UBXN8: variants seen among roughly 807,000 people sequenced by gnomAD.
The protein encoded by UBXN8 is UBX domain protein 8, also known as UBX domain-containing protein 8.
Under a neutral mutation model 32.1 loss-of-function variants are expected in UBXN8, and 27 were observed. The observed-to-expected ratio is 0.84, with a 90% confidence interval of 0.62 to 1.16. The LOEUF (loss-of-function observed/expected upper bound fraction) is 1.16, where lower values mean the gene tolerates loss of function less well. Ranked by LOEUF, UBXN8 falls within the 50% of genes most tolerant of loss-of-function variation. The pLI, the probability that UBXN8 is intolerant of heterozygous loss-of-function variation, is 0.00. For missense variants in UBXN8, 306 were observed against 311.4 expected (o/e 0.98, Z 0.13); for synonymous variants, 109 against 111.8 (o/e 0.98, Z 0.16).
At chr8:30,731,438 A>G (rs1804955943), upstream of UBXN8, among the ~76,000 whole-genome samples, 1 of 152,180 alleles carries the variant, frequency 6.6e-6, no homozygotes, top group African/African-American at 2.4e-5. Context: ...ACATAAAGTG[A>G]TTCATCAGTT....
upstream of UBXN8, among the ~76,000 whole-genome samples, chr8:30,740,510 C>T (rs1392186917): frequency 4.9e-5 from 2 of 40,616 alleles, no homozygotes; most frequent in East Asian, 1.3e-3. Context: ...CAAGATCAGC[C>T]TGAACAATAT....
intron 1 of UBXN8, among the ~76,000 whole-genome samples, chr8:30,750,424 G>A (rs575560302): frequency 1.4e-4 from 21 of 152,082 alleles, no homozygotes; most frequent in Non-Finnish European, 2.4e-4. Flanking sequence ...GCAGTGAGCC[G>A]TGGTCTCACC....
chr8:30,741,182 T>C (rs1464153302), upstream of UBXN8, among the ~76,000 whole-genome samples: 1 of 152,104 alleles, frequency 6.6e-6, no homozygotes, highest in African/African-American at 2.4e-5. Context: ...GCCCAGGAGT[T>C]CAAGACCAGC....
intron 1 of UBXN8, 75 bp downstream of exon 1, chr8:30,744,352 C>T (rs1278798665): frequency 1.7e-5 from 24 of 1,448,926 alleles, no homozygotes; most frequent in East Asian, 7.2e-5. Flanking sequence ...ACGACCGCCT[C>T]TTCGGCTGCG....
At chr8:30,747,559 C>T (rs1266243501) in intron 1 of UBXN8, among the ~76,000 whole-genome samples, 1 of 141,186 alleles carries the variant, frequency 7.1e-6, no homozygotes, top group Non-Finnish European at 1.5e-5. Context: ...GATCCACTCA[C>T]CTCAGCTTCT....
upstream of UBXN8, among the ~76,000 whole-genome samples, chr8:30,739,273 G>C (rs1481424946): frequency 6.6e-6 from 1 of 150,982 alleles, no homozygotes; most frequent in Non-Finnish European, 1.5e-5. Context: ...GGCCGGGTAT[G>C]GTGGCTCACG....
At position 30,758,196 on chromosome 8, in the gene UBXN8, G is replaced by A. The variant is rs1025824785; in HGVS notation, c.528+1309G>A. Among the ~76,000 whole-genome samples the A allele has an allele frequency of 4.6e-5, 7 of 152,076 alleles. 1 individual carries two copies. Among genetic ancestry groups the A allele is most frequent in the African/African-American group, 1.7e-4 (7 of 41,428 alleles). ...CAGGCGTGAGCCACTGCGCCCAGCC[G>A]AAAATACTCAATTCTTTTTAAGGAA... On this transcript the variant is annotated intron_variant, in intron 5 of 7. Transcript: ENST00000265616.
chr8:30,758,658 T>A (rs1586103132), intron 5 of UBXN8, among the ~76,000 whole-genome samples: 1 of 152,204 alleles, frequency 6.6e-6, no homozygotes, highest in East Asian at 1.9e-4. Flanking sequence ...CGATATGAAC[T>A]AAACGGACTG....
chr8:30,753,117 T>C lies in UBXN8; in HGVS notation c.282+12T>C. On this transcript the variant is annotated intron_variant, in intron 3 of 7. Coordinates refer to ENST00000265616, the MANE Select transcript of UBXN8 (RefSeq NM_005671.4). ...CACAAGGAGAGAAGGTAAGGCAGAA[T>C]TTTTAGAGACTTTATGCGTAGAGAA... 1 of 1,504,984 alleles carries C rather than the reference T, an allele frequency of 6.6e-7. No homozygotes were observed. Among genetic ancestry groups the C allele is most frequent in the Non-Finnish European group, 8.8e-7 (1 of 1,130,718 alleles). The allele number at this position is 1,504,984 out of a possible 1,614,324, so 93.2% of individuals were successfully genotyped here. A position where few individuals can be genotyped will look rare whatever the true frequency, so the allele number is the denominator to read the frequency against.
intron 5 of UBXN8, among the ~76,000 whole-genome samples, chr8:30,760,064 C>CT (rs35456214): frequency 0.73 from 98,460 of 134,922 alleles, 37,171 homozygotes; most frequent in East Asian, 0.85. Context: ...ATTTTCTTTT[C>CT]TTTTTTTTTT....
intron 1 of UBXN8, among the ~76,000 whole-genome samples, chr8:30,749,412 A>AAATAC (rs1805457626): frequency 6.6e-6 from 1 of 150,754 alleles, no homozygotes; most frequent in Non-Finnish European, 1.5e-5. Context: ...AAATAAAATA[A>AAATAC]ATAAATAAAT....
chr8:30,762,042 A>T (rs1206367900), intron 6 of UBXN8, among the ~76,000 whole-genome samples: 1 of 148,010 alleles, frequency 6.8e-6, no homozygotes, highest in East Asian at 2.0e-4. Context: ...GCTCGGCAAC[A>T]GTTATACTCC....
chr8:30,751,662 T>A (rs1805527170), intron 2 of UBXN8, 144 bp downstream of exon 2: 4 of 635,142 alleles, frequency 6.3e-6, no homozygotes, highest in Non-Finnish European at 9.5e-6. Context: ...TAGTCATGAT[T>A]TTTTGTGTTG....
chr8:30,760,779 T>C lies in UBXN8; in HGVS notation c.529-109T>C, dbSNP rs533142375. 1.2e-5 allele frequency: 8 copies of C among 671,174 alleles called. No homozygotes were observed. In the Admixed American group the frequency reaches 2.1e-4, roughly 18 times the overall value. The allele number at this position is 671,174 out of a possible 1,614,324, so 41.6% of individuals were successfully genotyped here. A position where few individuals can be genotyped will look rare whatever the true frequency, so the allele number is the denominator to read the frequency against. On this transcript the variant is annotated intron_variant, in intron 5 of 7. Coordinates refer to ENST00000265616, the MANE Select transcript of UBXN8 (RefSeq NM_005671.4). ...TTTATAGATGTATGAAGAAAAGATATAAGTAAGCTTAGATGTGTGTCTAAA... is the reference window on the plus strand; with the variant it reads ...TTTATAGATGTATGAAGAAAAGATACAAGTAAGCTTAGATGTGTGTCTAAA...
chr8:30,745,063 C>T (rs968531845), intron 1 of UBXN8, among the ~76,000 whole-genome samples: 1 of 152,096 alleles, frequency 6.6e-6, no homozygotes, highest in East Asian at 1.9e-4. Flanking sequence ...TAAGTGACTT[C>T]CCTAAGTTTT....
chr8:30,733,302 A>T (rs1303687687), exon 1 of UBXN8: 1 of 152,262 alleles, frequency 6.6e-6, no homozygotes, highest in African/African-American at 2.4e-5. Flanking sequence ...CTTAGAACTC[A>T]GTGAAGGTAA....
chr8:30,756,830 C>G lies in UBXN8; in HGVS notation c.471C>G (p.Asn157Lys). 2 of 1,614,024 alleles carry G rather than the reference C, an allele frequency of 1.2e-6. No individual in the cohort carries two copies. The highest frequency in any genetic ancestry group is 1.7e-6 in the Non-Finnish European group (2 of 1,179,898). The change falls in exon 5 of 8, where the codon AAC (asparagine) becomes AAG (lysine). Residue 157 changes from asparagine (N) to lysine (K), a missense_variant. By Grantham distance (94) the Asn-to-Lys change is moderately conservative. Coordinates refer to ENST00000265616, the MANE Select transcript of UBXN8 (RefSeq NM_005671.4). ...ACAGAGAAGCAGCAAAGAGCCAGAA[C>G]TTGCCTAAACCTTTAACTGAATTTC... ...TSNREAAKSQ[N>K]LPKPLTEFPS...
At chr8:30,752,721 A>G (rs1430269740) in intron 2 of UBXN8, among the ~76,000 whole-genome samples, 1 of 152,208 alleles carries the variant, frequency 6.6e-6, no homozygotes, top group African/African-American at 2.4e-5. Context: ...CATATTTTCT[A>G]TGCTACTAGG....
At chr8:30,747,647 A>G (rs1805398568) in intron 1 of UBXN8, among the ~76,000 whole-genome samples, 2 of 140,832 alleles carry the variant, frequency 1.4e-5, no homozygotes, top group Non-Finnish European at 3.1e-5. Context: ...TCTAGATATT[A>G]AACTACTTTT....
Sources: allele counts gnomAD v4.1 joint callset (sites outside exome capture counted in the v4.1 genomes callset), GRCh38; gene constraint gnomAD v4.1.1; transcripts MANE v1.5; gene names NCBI Gene and HGNC (gene_info 2026-07-23, HGNC 2026-07-21).